The following RAB2B variants were observed in gnomAD, a reference collection of about 807,000 sequenced individuals.
The protein encoded by RAB2B is ras-related protein Rab-2B.
RAB2B carries 20 observed loss-of-function variants against 29.8 expected under a neutral mutation model. The observed-to-expected ratio is 0.67, with a 90% CI of 0.47 to 0.97. The LOEUF (loss-of-function observed/expected upper bound fraction) is 0.97. Ranked by LOEUF, RAB2B falls within the 50% of genes least tolerant of loss-of-function variation. The probability of loss-of-function intolerance (pLI) is 0.00; values close to 1 mark genes in which losing one functional copy is unlikely to be tolerated. For synonymous variants in RAB2B, 93 were observed against 91.7 expected, an observed-to-expected ratio of 1.01 and a Z score of -0.08; for missense variants, 218 against 272.0, an observed-to-expected ratio of 0.80 and a Z score of 1.40.
intron 2 of RAB2B, among the ~76,000 whole-genome samples, chr14:21,475,783 A>G (rs1890939598): frequency 6.6e-6 from 1 of 152,228 alleles, no homozygotes; most frequent in African/African-American, 2.4e-5. Context: ...TTGACTCTAA[A>G]TAAATCCGTT....
intron 4 of RAB2B, 33 bp from the exon 5 acceptor site, chr14:21,468,482 G>C (rs767685528): frequency 6.3e-7 from 1 of 1,587,490 alleles, no homozygotes; most frequent in Non-Finnish European, 8.6e-7. Context: ...GTGGGTCAGA[G>C]ACACATTTCA....
intron 7 of RAB2B, 107 bp from the exon 8 acceptor site, chr14:21,461,410 G>A: frequency 4.6e-6 from 3 of 655,584 alleles, no homozygotes; most frequent in Admixed American, 3.4e-5. Flanking sequence ...AACAGAAAGG[G>A]GAGAAAGGAG....
intron 2 of RAB2B, among the ~76,000 whole-genome samples, chr14:21,475,291 A>C (rs1031979699): frequency 6.6e-6 from 1 of 152,212 alleles, no homozygotes; most frequent in African/African-American, 2.4e-5. Flanking sequence ...TTTTCCAAAA[A>C]ACTAAAAATT....
chr14:21,469,371 G>A (rs1397821460), intron 3 of RAB2B, among the ~76,000 whole-genome samples: 1 of 152,096 alleles, frequency 6.6e-6, no homozygotes, highest in Non-Finnish European at 1.5e-5. Context: ...CTACCTAGAT[G>A]TCCCTTGCTG....
At chr14:21,467,918 C>T (rs531717874) in intron 5 of RAB2B, among the ~76,000 whole-genome samples, 3 of 152,262 alleles carry the variant, frequency 2.0e-5, no homozygotes, top group South Asian at 2.1e-4. Flanking sequence ...TATGGATAAA[C>T]CTCGAAGACA....
intron 4 of RAB2B, 35 bp from the exon 5 acceptor site, chr14:21,468,484 C>T (rs752832840): frequency 1.3e-6 from 2 of 1,592,156 alleles, no homozygotes; most frequent in Admixed American, 3.4e-5. Flanking sequence ...GGGTCAGAGA[C>T]ACATTTCAAA....
intron 5 of RAB2B, 98 bp downstream of exon 5, chr14:21,468,259 C>T: frequency 4.6e-6 from 4 of 864,850 alleles, no homozygotes; most frequent in South Asian, 1.8e-5. Flanking sequence ...TTTACTGAAA[C>T]ACTAAGACCA....
rs141780946 is a variant in RAB2B at position 21,468,395 on chromosome 14, A to G, written c.324T>C (p.Ser108=). Residue 108 remains serine, a synonymous_variant, in exon 5 of 8, where the codon TCT becomes TCC. Transcript: ENST00000397762. The part of the protein sequence containing the change: ...TSWLEDARQH[S]SSNMVIMLIG... ...TGAGCATGATAACCATGTTGGAACTAGAGTGCTGCCGGGCATCCTCTAACC... is the reference window on the plus strand; with the variant it reads ...TGAGCATGATAACCATGTTGGAACTGGAGTGCTGCCGGGCATCCTCTAACC... 1 of 1,614,084 alleles carries G rather than the reference A, an allele frequency of 6.2e-7. No homozygotes were observed. The highest frequency in any genetic ancestry group is 1.7e-5 in the Admixed American group (1 of 60,006).
In RAB2B at chr14:21,466,930, A is replaced by G. The variant is rs369850758; in HGVS notation, c.362+1427T>C. ...GAAATAATTTTTTTTTTTTTGAGACAAAGTCTCACTCTGTCGCCCTGGCTG... is the reference window on the plus strand; with the variant it reads ...GAAATAATTTTTTTTTTTTTGAGACGAAGTCTCACTCTGTCGCCCTGGCTG... On this transcript the variant is annotated intron_variant, in intron 5 of 7. Coordinates refer to ENST00000397762, the MANE Select transcript of RAB2B (RefSeq NM_032846.4). Among the ~76,000 whole-genome samples the G allele has an allele frequency of 6.7e-4, 102 of 151,996 alleles. 1 individual carries two copies. The South Asian group carries it at 0.021, about 31-fold the overall frequency.
chr14:21,470,715 G>A (rs1029500340), intron 3 of RAB2B, among the ~76,000 whole-genome samples: 6 of 151,986 alleles, frequency 3.9e-5, no homozygotes, highest in Non-Finnish European at 8.8e-5. Context: ...ATGGTTGTAA[G>A]CCTCCCTCTA....
chr14:21,459,838 T>C lies in RAB2B; in HGVS notation c.*1358A>G, dbSNP rs1372975204. ...GTCACATTCAGTAAGTAGATTAGCC[T>C]GATTGGAGTAGAAAGTCTAGGTCTA... On this transcript the variant is annotated 3_prime_UTR_variant, in exon 8 of 8. Coordinates refer to ENST00000397762, the MANE Select transcript of RAB2B (RefSeq NM_032846.4). The C allele has an allele frequency of 4.3e-6, 1 of 232,176 alleles. No homozygotes were observed. Among genetic ancestry groups the C allele is most frequent in the Non-Finnish European group, 8.8e-6 (1 of 113,604 alleles). 14.4% of individuals were successfully genotyped at this position (232,176 alleles called of 1,614,324 possible). A position where few individuals can be genotyped will look rare whatever the true frequency, so the allele number is the denominator to read the frequency against.
At chr14:21,466,939 C>T (rs186140472) in intron 5 of RAB2B, among the ~76,000 whole-genome samples, 51 of 151,998 alleles carry the variant, frequency 3.4e-4, no homozygotes, top group Non-Finnish European at 6.0e-4. Flanking sequence ...CAAAGTCTCA[C>T]TCTGTCGCCC....
chr14:21,462,535 G>A (rs1566466166), intron 6 of RAB2B, 117 bp from the exon 7 acceptor site: 1 of 1,025,986 alleles, frequency 9.7e-7, no homozygotes, highest in African/African-American at 1.7e-5. Flanking sequence ...ACCATTAGAA[G>A]ACAGTAAAAA....
rs749132607 is a variant in RAB2B at position 21,476,813 on chromosome 14, C to G, written c.46+14G>C. ...GCCCGCCCGAGCCTTGAAGGCGAAC[C>G]ACCTGAGGGTTACCTGTGTCTCCGA... On this transcript the variant is annotated intron_variant, in intron 1 of 7. Transcript: ENST00000397762. 6.2e-7 allele frequency: 1 copy of G among 1,613,310 alleles called. No homozygotes were observed. Among genetic ancestry groups the G allele is most frequent in the Non-Finnish European group, 8.5e-7 (1 of 1,179,838 alleles).
chr14:21,476,757 G>GC, intron 1 of RAB2B, 70 bp downstream of exon 1: 6 of 644,478 alleles, frequency 9.3e-6, no homozygotes, highest in South Asian at 2.6e-5. Flanking sequence ...AGTGAGCCCC[G>GC]CCCCCGCCAC....
At chr14:21,462,484 T>TGAATAA in intron 6 of RAB2B, 66 bp from the exon 7 acceptor site, 1 of 1,348,998 alleles carries the variant, frequency 7.4e-7, no homozygotes, top group Non-Finnish European at 1.0e-6. Flanking sequence ...AAAGAGAATA[T>TGAATAA]TAATTATTAT....
Position 21,473,083 on chromosome 14 carries a change from T to C in RAB2B, c.186+1784A>G, listed in dbSNP as rs535726002. Among the ~76,000 whole-genome samples the C allele has an allele frequency of 8.3e-5, 12 of 144,164 alleles. No homozygotes were observed. In the South Asian group the frequency reaches 1.5e-3, roughly 17 times the overall value. 94.6% of individuals were successfully genotyped at this position (144,164 alleles called of 152,430 possible). A position where few individuals can be genotyped will look rare whatever the true frequency, so the allele number is the denominator to read the frequency against. On this transcript the variant is annotated intron_variant, in intron 3 of 7. Coordinates refer to ENST00000397762, the MANE Select transcript of RAB2B (RefSeq NM_032846.4). ...GGATCAGGGGATAGATCTGTAGAGATAGACGGATAGATGGATGGATAGACA... is the reference window on the plus strand; with the variant it reads ...GGATCAGGGGATAGATCTGTAGAGACAGACGGATAGATGGATGGATAGACA...
intron 3 of RAB2B, among the ~76,000 whole-genome samples, chr14:21,470,140 A>T (rs1429576429): frequency 1.3e-5 from 2 of 151,564 alleles, no homozygotes; most frequent in Non-Finnish European, 2.9e-5. Context: ...TTTTTGGTAG[A>T]GATGGGTTTT....
intron 3 of RAB2B, 126 bp from the exon 4 acceptor site, chr14:21,468,878 G>A (rs763881700): frequency 2.0e-5 from 10 of 498,518 alleles, no homozygotes; most frequent in Non-Finnish European, 2.7e-5. Flanking sequence ...TACGAAAAGA[G>A]AATTAGGGAA....
Sources: gnomAD v4.1 joint callset for allele counts (sites outside exome capture counted in the v4.1 genomes callset) on GRCh38, gnomAD v4.1.1 for gene constraint, MANE v1.5 for transcripts, NCBI Gene and HGNC (gene_info 2026-07-23, HGNC 2026-07-21) for gene names.